Variants in ADGRV1 observed in about 807,000 individuals in gnomAD.
The protein encoded by ADGRV1 is adhesion G protein-coupled receptor V1.
A neutral mutation model predicts 596.2 loss-of-function variants in ADGRV1; 359 were observed. The observed-to-expected ratio is 0.60, with a 90% confidence interval of 0.55 to 0.66. The LOEUF is 0.66. ADGRV1 is among the 30% of genes least tolerant of loss of function. ADGRV1 has a pLI of 0.00. For synonymous variants in ADGRV1, 2,681 were observed against 2,679.2 expected (o/e 1.00, Z -0.02); for missense variants, 7,274 against 7,575.6 (o/e 0.96, Z 1.48).
chr5:91,029,289 A>T (rs1020112368), intron 85 of ADGRV1, among the ~76,000 whole-genome samples: 6 of 152,224 alleles, frequency 3.9e-5, no homozygotes, highest in Non-Finnish European at 8.8e-5. Flanking sequence ...TTTAGATGTG[A>T]TTCCAAATGA....
At chr5:90,834,964 CCTTA>C (rs1006901750) in intron 77 of ADGRV1, among the ~76,000 whole-genome samples, 2 of 145,206 alleles carry the variant, frequency 1.4e-5, no homozygotes, top group African/African-American at 2.6e-5. Flanking sequence ...TTCCTTCCTT[CCTTA>C]CTTCCTTTCT....
chr5:90,639,011 A>G lies in ADGRV1; in HGVS notation c.2240+1063A>G, dbSNP rs77007006. 5.3e-3 allele frequency among the ~76,000 whole-genome samples: 811 copies of G among 152,092 alleles called. 5 individuals are homozygous for G. The highest frequency in any genetic ancestry group is 0.013 in the African/African-American group (519 of 41,478). On this transcript the variant is annotated intron_variant, in intron 11 of 89. Transcript: ENST00000405460. ...TTACTTCCTTTCTTACATAAAGAGT[A>G]AAACAAAACAACCAAAATACCAAGC...
intron 82 of ADGRV1, among the ~76,000 whole-genome samples, chr5:90,861,457 G>C (rs979350404): frequency 6.5e-4 from 98 of 151,922 alleles, no homozygotes; most frequent in Admixed American, 1.4e-3. Flanking sequence ...CTACAGGTGC[G>C]TGCCACCATG....
At chr5:90,663,439 G>A (rs1021394160) in intron 21 of ADGRV1, among the ~76,000 whole-genome samples, 32 of 150,132 alleles carry the variant, frequency 2.1e-4, no homozygotes, top group Admixed American at 4.7e-4. Context: ...CATGTCCTTC[G>A]CCCACTTTTT....
At chr5:90,595,732 G>A in intron 1 of ADGRV1, among the ~76,000 whole-genome samples, 1 of 138,076 alleles carries the variant, frequency 7.2e-6, no homozygotes, top group Non-Finnish European at 1.6e-5. Flanking sequence ...CCCAGTAGGG[G>A]CGGCCGGGCA....
intron 77 of ADGRV1, among the ~76,000 whole-genome samples, chr5:90,837,066 C>A (rs1765028680): frequency 6.6e-6 from 1 of 152,170 alleles, no homozygotes; most frequent in Non-Finnish European, 1.5e-5. Flanking sequence ...TTTGGTAGAC[C>A]AGCATTCCCA....
chr5:91,052,151 C>G (rs1786394387), intron 85 of ADGRV1, among the ~76,000 whole-genome samples: 1 of 151,972 alleles, frequency 6.6e-6, no homozygotes, highest in South Asian at 2.1e-4. Flanking sequence ...CCACTTTGAA[C>G]TTTAAGCAAA....
rs866962800 is a variant in ADGRV1, at chr5:90,828,948, C to A, written c.16373C>A (p.Pro5458Gln). 1.9e-6 allele frequency: 3 copies of A among 1,562,534 alleles called. No individual in the cohort carries two copies. The African/African-American group carries it at 4.1e-5, about 21-fold the overall frequency. The change falls in exon 77 of 90, where the codon CCA becomes CAA. Residue 5458 changes from proline (P) to glutamine (Q), a missense_variant. Physicochemically the swap from Pro to Gln is moderately conservative, Grantham distance 76 (BLOSUM62 -1). Around this residue, in one of 5 missense-constraint regions of ADGRV1, gnomAD observed 1,874 missense variants for 1,970.2 expected, o/e 0.95. Transcript: ENST00000405460. ...ISIELKPEKV[P>Q]QVEVYFFVEL... ...TTTCCTTTTTCTCATTGTCAGGTAC[C>A]ACAGGTTGAAGTGTATTTTTTTGTG...
chr5:90,572,613 T>C (rs1420540142), intron 1 of ADGRV1, among the ~76,000 whole-genome samples: 3 of 152,198 alleles, frequency 2.0e-5, no homozygotes, highest in Admixed American at 6.5e-5. Flanking sequence ...GGTGTTGGTA[T>C]AAATGTGCAC....
At chr5:91,111,357 A>G (rs1413189323) in intron 87 of ADGRV1, among the ~76,000 whole-genome samples, 1 of 152,152 alleles carries the variant, frequency 6.6e-6, no homozygotes, top group Non-Finnish European at 1.5e-5. Context: ...GATTTTCCCA[A>G]ATGAAAATAG....
intron 87 of ADGRV1, among the ~76,000 whole-genome samples, chr5:91,145,448 A>AT (rs1338540964): frequency 6.6e-6 from 1 of 152,106 alleles, no homozygotes; most frequent in Admixed American, 6.5e-5. Context: ...TGACAGTTTT[A>AT]TTTTTTTCCT....
chr5:91,150,394 A>G (rs576675897), intron 88 of ADGRV1, among the ~76,000 whole-genome samples, 173 bp downstream of exon 88: 2 of 152,306 alleles, frequency 1.3e-5, no homozygotes, highest in South Asian at 4.1e-4. Context: ...ACACCAGGTG[A>G]CAACTTCTGA....
At chr5:91,017,499 C>A (rs562007028) in intron 85 of ADGRV1, among the ~76,000 whole-genome samples, 1 of 151,850 alleles carries the variant, frequency 6.6e-6, no homozygotes, top group Non-Finnish European at 1.5e-5. Context: ...TTTATCCTCC[C>A]GTGGCATGAA....
intron 48 of ADGRV1, among the ~76,000 whole-genome samples, chr5:90,727,850 A>G (rs988045043): frequency 6.6e-6 from 1 of 152,210 alleles, no homozygotes; most frequent in African/African-American, 2.4e-5. Flanking sequence ...GATAATGACA[A>G]ATTTTTTCTG....
chr5:90,855,803 C>A lies in ADGRV1; in HGVS notation c.17657C>A (p.Ala5886Asp), dbSNP rs201254386. 2.1e-4 allele frequency: 339 copies of A among 1,607,610 alleles called. No homozygotes were observed. Among genetic ancestry groups the A allele is most frequent in the Non-Finnish European group, 1.6e-4 (190 of 1,175,728 alleles). The change falls in exon 82 of 90, where the codon GCC (alanine) becomes GAC (aspartate). Residue 5886 changes from alanine to aspartate, a missense_variant. By Grantham distance (126) the Ala-to-Asp change is moderately radical. Transcript: ENST00000405460. ...VEETADYVEC[A>D]CSHMSVYAVY... is the part of the protein sequence containing the mutation. ...GAAACTGCAGACTATGTGGAATGTGCCTGTTCACACATGTCTGTGTATGCT... is the reference window on the plus strand; with the variant it reads ...GAAACTGCAGACTATGTGGAATGTGACTGTTCACACATGTCTGTGTATGCT...
intron 76 of ADGRV1, among the ~76,000 whole-genome samples, chr5:90,828,346 T>C (rs1372472305): frequency 1.3e-5 from 2 of 152,050 alleles, no homozygotes; most frequent in African/African-American, 2.4e-5. Flanking sequence ...TCCATTTTTT[T>C]CCCCCTCCTC....
At chr5:91,023,285 TAAG>T (rs143827782) in intron 85 of ADGRV1, among the ~76,000 whole-genome samples, 9,495 of 152,036 alleles carry the variant, frequency 0.062, 400 homozygotes, top group East Asian at 0.18. Flanking sequence ...GTACTTGGAG[TAAG>T]AAGATTAATC....
At chr5:90,905,203 C>T (rs1019302275) in intron 83 of ADGRV1, among the ~76,000 whole-genome samples, 1 of 151,904 alleles carries the variant, frequency 6.6e-6, no homozygotes, top group African/African-American at 2.4e-5. Context: ...TTGCTTAAGA[C>T]AGCTTTGACT....
chr5:90,792,590 C>T (rs1030408852), intron 70 of ADGRV1: 3 of 151,266 alleles, frequency 2.0e-5, no homozygotes, highest in South Asian at 2.1e-4. Context: ...CCAATTTTAC[C>T]GTAAGCTAAT....
Sources: allele counts gnomAD v4.1 joint callset (sites outside exome capture counted in the v4.1 genomes callset), GRCh38; gene constraint gnomAD v4.1.1; regional missense constraint gnomAD v4.1.1; transcripts MANE v1.5; gene names NCBI Gene and HGNC (gene_info 2026-07-23, HGNC 2026-07-21).